The following GPC5 variants were observed in gnomAD, a reference collection of about 807,000 sequenced individuals.
The protein encoded by GPC5 is glypican 5.
Under a neutral mutation model 53.9 loss-of-function variants are expected in GPC5, and 47 were observed. That is an observed-to-expected ratio of 0.87 (90% CI 0.69 to 1.11). The LOEUF (loss-of-function observed/expected upper bound fraction) is 1.11. Ranked by LOEUF, GPC5 falls within the 50% of genes most tolerant of loss-of-function variation. The pLI is 0.00. For synonymous variants in GPC5, 286 were observed against 263.3 expected (o/e 1.09, Z -0.84); for missense variants, 748 against 713.1 (o/e 1.05, Z -0.56).
intron 6 of GPC5, among the ~76,000 whole-genome samples, chr13:91,967,001 C>G (rs1289995959): frequency 6.6e-6 from 1 of 152,128 alleles, no homozygotes; most frequent in Non-Finnish European, 1.5e-5. Flanking sequence ...TATTAGCATA[C>G]TCACGCTACT....
intron 7 of GPC5, among the ~76,000 whole-genome samples, chr13:92,351,230 G>A (rs35639895): frequency 0.01 from 1,551 of 151,538 alleles, 28 homozygotes; most frequent in Middle Eastern, 0.048. Flanking sequence ...AATAACAAAC[G>A]TACAAATGAA....
At chr13:91,417,961 A>C (rs953930037) in intron 1 of GPC5, among the ~76,000 whole-genome samples, 9 of 152,140 alleles carry the variant, frequency 5.9e-5, no homozygotes, top group African/African-American at 2.2e-4. Context: ...AAAATATGAA[A>C]GGGAAAGTTC....
At chr13:91,981,525 G>A (rs187417001) in intron 6 of GPC5, among the ~76,000 whole-genome samples, 31 of 152,250 alleles carry the variant, frequency 2.0e-4, no homozygotes, top group African/African-American at 6.7e-4. Flanking sequence ...TCCTGACCTC[G>A]TGATCCGCCC....
chr13:92,137,369 A>T (rs2041792537), intron 6 of GPC5, among the ~76,000 whole-genome samples: 1 of 152,196 alleles, frequency 6.6e-6, no homozygotes, highest in Admixed American at 6.5e-5. Flanking sequence ...AACACTGTTT[A>T]TTTTATAATT....
chr13:92,513,568 TTTTCCTTTTTTC>T (rs1880657666), intron 7 of GPC5, among the ~76,000 whole-genome samples: 8 of 151,380 alleles, frequency 5.3e-5, no homozygotes, highest in Non-Finnish European at 1.0e-4. Flanking sequence ...TTCCTTTCCT[TTTTCCTTTTTTC>T]TTTCCTTTCC....
chr13:91,981,241 G>T (rs2040354800), intron 6 of GPC5, among the ~76,000 whole-genome samples: 1 of 151,478 alleles, frequency 6.6e-6, no homozygotes, highest in African/African-American at 2.4e-5. Flanking sequence ...ACAGTGATGT[G>T]TTGATAAACT....
intron 5 of GPC5, among the ~76,000 whole-genome samples, chr13:91,759,528 A>T (rs185088659): frequency 4.0e-4 from 61 of 151,922 alleles, no homozygotes; most frequent in African/African-American, 1.4e-3. Flanking sequence ...TCTTCCCACT[A>T]CTCTACCCAG....
At chr13:92,326,078 G>T (rs1317300085) in intron 7 of GPC5, among the ~76,000 whole-genome samples, 1 of 152,006 alleles carries the variant, frequency 6.6e-6, no homozygotes, top group African/African-American at 2.4e-5. Flanking sequence ...GTGATTTTAA[G>T]ATTTTTCAAA....
intron 6 of GPC5, among the ~76,000 whole-genome samples, chr13:92,054,578 A>C (rs1295762127): frequency 6.6e-6 from 1 of 152,210 alleles, no homozygotes; most frequent in African/African-American, 2.4e-5. Context: ...GTTATAACCC[A>C]CATTATAGAG....
chr13:91,527,342 G>A (rs991152829), intron 2 of GPC5, among the ~76,000 whole-genome samples: 3 of 152,194 alleles, frequency 2.0e-5, no homozygotes, highest in African/African-American at 4.8e-5. Flanking sequence ...ATGCAAGTCC[G>A]AAACTCAGCA....
chr13:91,464,942 A>G (rs1882147537), intron 2 of GPC5, among the ~76,000 whole-genome samples: 1 of 152,124 alleles, frequency 6.6e-6, no homozygotes, highest in Non-Finnish European at 1.5e-5. Flanking sequence ...GGCTGAGTAA[A>G]GGGTGCAAGG....
At chr13:91,978,584 T>G (rs1356947599) in intron 6 of GPC5, among the ~76,000 whole-genome samples, 4 of 152,150 alleles carry the variant, frequency 2.6e-5, no homozygotes, top group Non-Finnish European at 5.9e-5. Flanking sequence ...GACATTTGAT[T>G]TGTTACCATG....
chr13:92,252,617 A>G (rs1228352331), intron 7 of GPC5, among the ~76,000 whole-genome samples: 1 of 152,072 alleles, frequency 6.6e-6, no homozygotes, highest in Non-Finnish European at 1.5e-5. Flanking sequence ...CATTTCTTAG[A>G]TAAAAATTAT....
intron 7 of GPC5, among the ~76,000 whole-genome samples, chr13:92,183,300 C>T (rs2042160932): frequency 6.6e-6 from 1 of 152,150 alleles, no homozygotes; most frequent in Non-Finnish European, 1.5e-5. Flanking sequence ...TTTCCTCTGT[C>T]AACATGAGCT....
chr13:92,481,955 C>T (rs1879373303), intron 7 of GPC5, among the ~76,000 whole-genome samples: 2 of 151,888 alleles, frequency 1.3e-5, no homozygotes, highest in Non-Finnish European at 1.5e-5. Flanking sequence ...ATGGGGAAAC[C>T]GCATCTCTAC....
rs557035539 is a variant in GPC5 at position 92,286,495 on chromosome 13, T to A, written c.1561+141506T>A. ...GACTTGGAACCAACCCAAATGTCCA[T>A]CAATGATAGACTGGATTAAGAAAAT... On this transcript the variant is annotated intron_variant, in intron 7 of 7. Coordinates refer to ENST00000377067, the MANE Select transcript of GPC5 (RefSeq NM_004466.6). 7.9e-5 allele frequency among the ~76,000 whole-genome samples: 12 copies of A among 152,156 alleles called. No individual in the cohort carries two copies. In the South Asian group the frequency reaches 1.5e-3, roughly 18 times the overall value.
chr13:92,168,364 C>T (rs563433033), intron 7 of GPC5, among the ~76,000 whole-genome samples: 13 of 152,138 alleles, frequency 8.5e-5, no homozygotes, highest in South Asian at 4.2e-4. Flanking sequence ...ATAGAGCTTC[C>T]GCACAGCAAA....
At position 92,561,563 on chromosome 13, in the gene GPC5, T is replaced by C. The variant is rs184946213; in HGVS notation, c.1562-304719T>C. 1.9e-3 allele frequency among the ~76,000 whole-genome samples: 296 copies of C among 152,164 alleles called. 1 individual carries two copies. Among genetic ancestry groups the C allele is most frequent in the African/African-American group, 6.7e-3 (279 of 41,546 alleles). ...GCATGTAGTAAGCACTATACAAATG[T>C]CATTTATTCATTTCCACACAGGTTA... is the stretch of plus-strand genomic sequence containing the variant. On this transcript the variant is annotated intron_variant, in intron 7 of 7. Coordinates refer to ENST00000377067, the MANE Select transcript of GPC5 (RefSeq NM_004466.6).
chr13:92,633,530 T>C (rs1885323683), intron 7 of GPC5, among the ~76,000 whole-genome samples: 1 of 152,140 alleles, frequency 6.6e-6, no homozygotes, highest in South Asian at 2.1e-4. Flanking sequence ...GTGTTAAGTA[T>C]AAATGTTTTA....
Sources: gnomAD v4.1 joint callset for allele counts (sites outside exome capture counted in the v4.1 genomes callset) on GRCh38, gnomAD v4.1.1 for gene constraint, MANE v1.5 for transcripts, NCBI Gene and HGNC (gene_info 2026-07-23, HGNC 2026-07-21) for gene names.